The following SGCD variants were observed in gnomAD, a reference collection of about 807,000 sequenced individuals.
SGCD encodes the protein sarcoglycan delta, also known as delta-sarcoglycan.
SGCD carries 18 observed loss-of-function variants against 36.6 expected under a neutral mutation model. The observed-to-expected ratio is 0.49, with a 90% CI of 0.34 to 0.73. The LOEUF is 0.73. Among genes scored for constraint, SGCD ranks in the 30% least tolerant of loss-of-function variants. SGCD has a pLI of 0.01. For missense variants in SGCD, 387 were observed against 346.7 expected, an observed-to-expected ratio of 1.12 and a Z score of -0.92; for synonymous variants, 133 against 130.6, an observed-to-expected ratio of 1.02 and a Z score of -0.12.
chr5:155,812,593 A>G, the SGCD span, among the ~76,000 whole-genome samples: 3 of 152,240 alleles, frequency 2.0e-5, no homozygotes, highest in African/African-American at 7.2e-5. Context: ...ATAGGGAAAC[A>G]TAATTAATCA....
intron 4 of SGCD, among the ~76,000 whole-genome samples, chr5:156,521,207 G>T (rs1391513058): frequency 5.3e-5 from 8 of 151,894 alleles, no homozygotes; most frequent in Admixed American, 5.2e-4. Flanking sequence ...TCAACTTAAG[G>T]TGGATTAAAG....
At chr5:156,193,633 A>G (rs931124518) in intron 3 of SGCD, among the ~76,000 whole-genome samples, 1 of 152,140 alleles carries the variant, frequency 6.6e-6, no homozygotes, top group Admixed American at 6.6e-5. Context: ...ACGTCTTGTT[A>G]CAGGATTCTC....
At chr5:155,892,370 G>T (rs1347576536) in intron 1 of SGCD, among the ~76,000 whole-genome samples, 1 of 145,374 alleles carries the variant, frequency 6.9e-6, no homozygotes, top group Non-Finnish European at 1.5e-5. Context: ...CAGTAGAATC[G>T]CTTGAACACA....
At position 156,760,585 on chromosome 5, in the gene SGCD, A is replaced by G. The variant is rs1757482737; in HGVS notation, c.*1195A>G. 1 of 152,642 alleles carries G rather than the reference A, an allele frequency of 6.6e-6. No homozygotes were observed. Among genetic ancestry groups the G allele is most frequent in the Admixed American group, 6.5e-5 (1 of 15,282 alleles). The allele number at this position is 152,642 out of a possible 1,614,324, so 9.5% of individuals were successfully genotyped here. A position where few individuals can be genotyped will look rare whatever the true frequency, so the allele number is the denominator to read the frequency against. On this transcript the variant is annotated 3_prime_UTR_variant, in exon 9 of 9. Transcript: ENST00000337851. ...CCAGAATTGTGCACTGAAAGATAAT[A>G]CAAACTGAGTGTCTTTATGAGAATC...
At chr5:155,783,828 T>A in the SGCD span, among the ~76,000 whole-genome samples, 1 of 152,160 alleles carries the variant, frequency 6.6e-6, no homozygotes, top group African/African-American at 2.4e-5. Context: ...GAACACGATA[T>A]GTGGTAGTAA....
chr5:156,448,495 G>A (rs1386537495), intron 3 of SGCD, among the ~76,000 whole-genome samples: 1 of 152,088 alleles, frequency 6.6e-6, no homozygotes, highest in African/African-American at 2.4e-5. Flanking sequence ...CCATGGAACA[G>A]CTTTGGCAAT....
At chr5:156,079,709 A>G (rs987491590) in intron 1 of SGCD, among the ~76,000 whole-genome samples, 4 of 152,222 alleles carry the variant, frequency 2.6e-5, no homozygotes, top group African/African-American at 9.6e-5. Flanking sequence ...CCAGGGCACA[A>G]TTCTGCAAGA....
chr5:156,675,312 G>T (rs754879401), intron 7 of SGCD, among the ~76,000 whole-genome samples: 21 of 152,260 alleles, frequency 1.4e-4, no homozygotes, highest in Non-Finnish European at 2.9e-4. Context: ...AATTTCAGGG[G>T]CTTCATTTTT....
Position 156,591,902 on chromosome 5 carries a change from C to A in SGCD, c.382+2584C>A, listed in dbSNP as rs1384240477. Reference sequence around the variant, plus strand: ...CAAGCCATCTGCACCACTGAGCCAGCAGTTGCTCTGTGGGGTTTTGGCTAA... The same window carrying A: ...CAAGCCATCTGCACCACTGAGCCAGAAGTTGCTCTGTGGGGTTTTGGCTAA... On this transcript the variant is annotated intron_variant, in intron 5 of 8. Transcript: ENST00000337851. Among the ~76,000 whole-genome samples the A allele has an allele frequency of 3.3e-5, 5 of 152,158 alleles. No homozygotes were observed. In the South Asian group the frequency reaches 1.0e-3, roughly 32 times the overall value.
At chr5:156,098,566 G>A (rs1052976253) in intron 1 of SGCD, among the ~76,000 whole-genome samples, 1 of 150,534 alleles carries the variant, frequency 6.6e-6, no homozygotes, top group African/African-American at 2.4e-5. Context: ...TTTTATTTTG[G>A]AATTAAATGA....
chr5:156,406,036 G>GAAAAAAAAAAAAAAAAAAAAAAAAAAA (rs79259925), intron 3 of SGCD, among the ~76,000 whole-genome samples: 1 of 136,608 alleles, frequency 7.3e-6, no homozygotes. Context: ...AAAAAAAAAG[G>GAAAAAAAAAAAAAAAAAAAAAAAAAAA]CCTCTGGGCA....
chr5:156,500,978 C>T (rs1756420647), intron 3 of SGCD, among the ~76,000 whole-genome samples: 2 of 152,166 alleles, frequency 1.3e-5, no homozygotes, highest in Admixed American at 1.3e-4. Context: ...TGATCACTGC[C>T]CTGCACTGGC....
chr5:156,116,541 G>A (rs576341439), intron 1 of SGCD, among the ~76,000 whole-genome samples: 3 of 152,218 alleles, frequency 2.0e-5, no homozygotes, highest in African/African-American at 7.2e-5. Flanking sequence ...CATAAGCAAT[G>A]TACGGAGATA....
intron 7 of SGCD, among the ~76,000 whole-genome samples, chr5:156,743,578 C>T (rs539045907): frequency 6.8e-4 from 103 of 152,310 alleles, no homozygotes; most frequent in Middle Eastern, 3.4e-3. Context: ...TAGCTCTACA[C>T]TGGGAAAGAA....
At chr5:156,484,224 G>A (rs1291349321) in intron 3 of SGCD, among the ~76,000 whole-genome samples, 1 of 152,138 alleles carries the variant, frequency 6.6e-6, no homozygotes, top group Non-Finnish European at 1.5e-5. Flanking sequence ...TTAACAGAAG[G>A]CCTTCTTTTT....
At chr5:156,100,962 G>A (rs980365013) in intron 1 of SGCD, among the ~76,000 whole-genome samples, 1 of 152,100 alleles carries the variant, frequency 6.6e-6, no homozygotes, top group Admixed American at 6.6e-5. Context: ...GTATTTGGAG[G>A]TGGGGACTCT....
intron 7 of SGCD, among the ~76,000 whole-genome samples, chr5:156,690,870 T>C (rs1377276691): frequency 6.6e-6 from 1 of 151,910 alleles, no homozygotes; most frequent in East Asian, 1.9e-4. Context: ...TAAAGTCAGA[T>C]GGTTAAGGAG....
Position 155,896,130 on chromosome 5 carries a change from C to A in SGCD, c.-282+25706C>A, listed in dbSNP as rs946505850. On this transcript the variant is annotated intron_variant, in intron 1 of 9. Coordinates refer to the SGCD transcript ENST00000517913. ...GTTTTAACATCCATAACAGAGAGCCCTTTATTATATCTCTCTTGATTTTCA... is the reference window on the plus strand; with the variant it reads ...GTTTTAACATCCATAACAGAGAGCCATTTATTATATCTCTCTTGATTTTCA... 5.3e-5 allele frequency among the ~76,000 whole-genome samples: 8 copies of A among 152,158 alleles called. No homozygotes were observed. In the South Asian group the frequency reaches 1.7e-3, roughly 32 times the overall value.
chr5:156,600,386 T>A (rs566770300), intron 6 of SGCD, among the ~76,000 whole-genome samples: 211 of 152,328 alleles, frequency 1.4e-3, no homozygotes, highest in African/African-American at 4.7e-3. Flanking sequence ...TCAACTTTTT[T>A]AAAATTCCAC....
Sources: allele counts gnomAD v4.1 joint callset (sites outside exome capture counted in the v4.1 genomes callset), GRCh38; gene constraint gnomAD v4.1.1; transcripts MANE v1.5; gene names NCBI Gene and HGNC (gene_info 2026-07-23, HGNC 2026-07-21).